COPS2: variants seen among roughly 807,000 people sequenced by gnomAD.
COPS2 encodes COP9 signalosome subunit 2.
COPS2 carries 10 observed loss-of-function variants against 66.1 expected under a neutral mutation model. That is an observed-to-expected ratio of 0.15 (90% CI 0.09 to 0.26). The LOEUF is 0.26. Ranked by LOEUF, COPS2 falls within the 10% of genes least tolerant of loss-of-function variation. The pLI is 1.00. For missense variants in COPS2, 215 were observed against 513.3 expected (o/e 0.42, Z 5.62); for synonymous variants, 179 against 171.3 (o/e 1.04, Z -0.35).
At chr15:49,145,631 T>C (rs988429794) in intron 1 of COPS2, among the ~76,000 whole-genome samples, 2 of 152,102 alleles carry the variant, frequency 1.3e-5, no homozygotes, top group African/African-American at 4.8e-5. Flanking sequence ...CAACAGCTGT[T>C]TATACTAATG....
intron 1 of COPS2, among the ~76,000 whole-genome samples, chr15:49,152,158 T>C (rs1045131689): frequency 6.9e-6 from 1 of 145,234 alleles, no homozygotes; most frequent in African/African-American, 2.5e-5. Flanking sequence ...GCACATTTTT[T>C]AAATACTAAG....
intron 1 of COPS2, among the ~76,000 whole-genome samples, chr15:49,154,225 A>T (rs2084388899): frequency 1.3e-5 from 2 of 152,202 alleles, no homozygotes; most frequent in African/African-American, 2.4e-5. Context: ...CTGTAATATA[A>T]ATAAACAGGT....
intron 1 of COPS2, among the ~76,000 whole-genome samples, chr15:49,152,622 G>C (rs2084370683): frequency 6.6e-6 from 1 of 152,130 alleles, no homozygotes; most frequent in Non-Finnish European, 1.5e-5. Flanking sequence ...AGGAGTTCAA[G>C]ACCAGTCTGA....
Position 49,123,674 on chromosome 15 carries a change from A to T in COPS2, c.*4276T>A, listed in dbSNP as rs538428877. Reference sequence around the variant, plus strand: ...CCGAATAGTAAGTACTTAAGAAATAATTTTTTCTTTTTTCCTGTCACAGGG... The same window carrying T: ...CCGAATAGTAAGTACTTAAGAAATATTTTTTTCTTTTTTCCTGTCACAGGG... On this transcript the variant is annotated 3_prime_UTR_variant, in exon 13 of 13. Coordinates refer to ENST00000388901, the MANE Select transcript of COPS2 (RefSeq NM_004236.4). 9 of 152,232 alleles carry T rather than the reference A, an allele frequency of 5.9e-5. No individual in the cohort carries two copies. The highest frequency in any genetic ancestry group is 4.1e-4 in the South Asian group (2 of 4,828). The allele number at this position is 152,232 out of a possible 1,614,324, so 9.4% of individuals were successfully genotyped here.
chr15:49,139,205 G>C (rs988691916), intron 4 of COPS2: 1 of 193,286 alleles, frequency 5.2e-6, no homozygotes, highest in Non-Finnish European at 1.0e-5. Flanking sequence ...ACCTCAGAAT[G>C]GCTAGCTAAA....
chr15:49,154,174 A>C lies in COPS2; in HGVS notation c.54+1351T>G, dbSNP rs185548400. On this transcript the variant is annotated intron_variant, in intron 1 of 12. Transcript: ENST00000388901. Reference sequence around the variant, plus strand: ...AAAATACTATGAATCAATTAAAAAAATACAAGCACATATAAAAGAAACATT... The same window carrying C: ...AAAATACTATGAATCAATTAAAAAACTACAAGCACATATAAAAGAAACATT... Among the ~76,000 whole-genome samples the C allele has an allele frequency of 2.9e-3, 446 of 152,326 alleles. 1 individual carries two copies. Among genetic ancestry groups the C allele is most frequent in the Admixed American group, 6.1e-3 (93 of 15,294 alleles).
chr15:49,153,834 G>A (rs1041988643), intron 1 of COPS2, among the ~76,000 whole-genome samples: 2 of 152,114 alleles, frequency 1.3e-5, no homozygotes, highest in East Asian at 3.9e-4. Context: ...AGCAAAAGAA[G>A]TTGATTTCAC....
intron 3 of COPS2, among the ~76,000 whole-genome samples, chr15:49,143,813 C>T (rs927732694): frequency 1.3e-5 from 2 of 151,936 alleles, no homozygotes; most frequent in Non-Finnish European, 2.9e-5. Context: ...GGTGAAAGCC[C>T]GTCTCTTCTA....
intron 9 of COPS2, among the ~76,000 whole-genome samples, chr15:49,132,759 T>A (rs1448529038): frequency 6.6e-6 from 1 of 152,012 alleles, no homozygotes; most frequent in Non-Finnish European, 1.5e-5. Context: ...GAGGAAAGTT[T>A]CTCTTACTCA....
intron 3 of COPS2, among the ~76,000 whole-genome samples, chr15:49,142,035 C>A (rs1256050136): frequency 6.6e-6 from 1 of 152,142 alleles, no homozygotes; most frequent in Non-Finnish European, 1.5e-5. Context: ...AAATTTCTGT[C>A]CCTTGAAACA....
intron 4 of COPS2, chr15:49,137,802 C>G (rs1339013148): frequency 5.5e-6 from 1 of 183,304 alleles, no homozygotes; most frequent in Non-Finnish European, 1.1e-5. Context: ...GGAGAAGGAA[C>G]AAAGTAATCT....
intron 9 of COPS2, among the ~76,000 whole-genome samples, chr15:49,133,201 G>T (rs921822393): frequency 1.1e-4 from 17 of 151,980 alleles, no homozygotes; most frequent in Middle Eastern, 3.2e-3. Flanking sequence ...TGTTAGCCAG[G>T]ATGGTCTTGA....
intron 10 of COPS2, among the ~76,000 whole-genome samples, chr15:49,130,341 T>C (rs2084198757): frequency 6.6e-6 from 1 of 152,184 alleles, no homozygotes; most frequent in South Asian, 2.1e-4. Flanking sequence ...ACATATATCT[T>C]AGCATTATCT....
intron 6 of COPS2, 66 bp from the exon 7 acceptor site, chr15:49,134,580 C>T (rs1005589782): frequency 3.7e-5 from 47 of 1,260,014 alleles, no homozygotes; most frequent in Non-Finnish European, 4.6e-5. Flanking sequence ...TTTGCATTAG[C>T]CTGGAAATCT....
chr15:49,140,866 C>A (rs1487591048), intron 3 of COPS2, among the ~76,000 whole-genome samples: 1 of 151,748 alleles, frequency 6.6e-6, no homozygotes, highest in Admixed American at 6.6e-5. Context: ...CTGCAATTAT[C>A]TTGCTTATGA....
chr15:49,139,769 GATA>G, intron 3 of COPS2, 116 bp from the exon 4 acceptor site: 1 of 727,446 alleles, frequency 1.4e-6, no homozygotes, highest in Non-Finnish European at 2.2e-6. Flanking sequence ...TATAGTTCCT[GATA>G]TAGTTTTGTA....
At chr15:49,155,028 G>A (rs540985860) in intron 1 of COPS2, among the ~76,000 whole-genome samples, 3 of 152,328 alleles carry the variant, frequency 2.0e-5, no homozygotes, top group African/African-American at 7.2e-5. Flanking sequence ...ATGTCTCCAG[G>A]AGACTCACAA....
intron 4 of COPS2, 53 bp downstream of exon 4, chr15:49,139,475 A>C: frequency 7.0e-7 from 1 of 1,437,826 alleles, no homozygotes; most frequent in South Asian, 1.2e-5. Context: ...CAAAGCCCTT[A>C]CTATAAATAA....
intron 4 of COPS2, chr15:49,139,312 C>T: frequency 2.4e-6 from 1 of 414,640 alleles, no homozygotes; most frequent in Non-Finnish European, 4.3e-6. Context: ...CATCTGAAGG[C>T]ATTATTTAAA....
Sources: allele counts gnomAD v4.1 joint callset (sites outside exome capture counted in the v4.1 genomes callset), GRCh38; gene constraint gnomAD v4.1.1; transcripts MANE v1.5; gene names NCBI Gene and HGNC (gene_info 2026-07-23, HGNC 2026-07-21).